DIAPH2: variants seen among roughly 807,000 people sequenced by gnomAD.
DIAPH2 encodes the protein protein diaphanous homolog 2.
Under a neutral mutation model 92.7 loss-of-function variants are expected in DIAPH2, and 35 were observed. That is an observed-to-expected ratio of 0.38 (90% CI 0.29 to 0.50). The LOEUF is 0.50. DIAPH2 is among the 20% of genes least tolerant of loss of function. The pLI is 0.94. For synonymous variants in DIAPH2, 301 were observed against 280.4 expected, an observed-to-expected ratio of 1.07 and a Z score of -0.73; for missense variants, 701 against 819.5, an observed-to-expected ratio of 0.86 and a Z score of 1.77.
In DIAPH2 at chrX:97,137,300, T is replaced by TA. The variant is rs1292345714; in HGVS notation, c.2590-4364dup. On this transcript the variant is annotated intron_variant, in intron 21 of 26. Coordinates refer to ENST00000324765, the MANE Select transcript of DIAPH2 (RefSeq NM_006729.5). ...ATATATATATATATATATATATATA[T>TA]ATGTATAGAATTAAATTTAGGAGTA... 4.1e-5 allele frequency among the ~76,000 whole-genome samples: 4 copies of TA among 96,878 alleles called. No homozygotes were observed. In the East Asian group the frequency reaches 1.3e-3, roughly 31 times the overall value. 84.1% of individuals were successfully genotyped at this position (96,878 alleles called of 115,157 possible). A position where few individuals can be genotyped will look rare whatever the true frequency, so the allele number is the denominator to read the frequency against.
intron 26 of DIAPH2, among the ~76,000 whole-genome samples, chrX:97,476,988 C>T (rs59684833): frequency 0.044 from 1,824 of 41,396 alleles, 53 homozygotes; most frequent in African/African-American, 0.089. Flanking sequence ...TATATATACA[C>T]ACACACACAC....
intron 25 of DIAPH2, among the ~76,000 whole-genome samples, chrX:97,391,507 T>TA (rs2069659045): frequency 8.9e-6 from 1 of 111,793 alleles, no homozygotes; most frequent in Admixed American, 9.5e-5. Context: ...GGACCAAAGA[T>TA]ACATACCATT....
At chrX:96,809,502 TTTTC>T (rs1025235260) in intron 4 of DIAPH2, among the ~76,000 whole-genome samples, 11 of 108,557 alleles carry the variant, frequency 1.0e-4, no homozygotes, top group East Asian at 5.7e-4. Flanking sequence ...AACTCTTTTT[TTTTC>T]TTTCTTTCTT....
rs767580896 is a variant in DIAPH2, at chrX:97,370,782, G to C, written c.3010-13127G>C. On this transcript the variant is annotated intron_variant, in intron 24 of 26. Coordinates refer to ENST00000324765, the MANE Select transcript of DIAPH2 (RefSeq NM_006729.5). ...GATCAAACTGAGTAACAAAATATGT[G>C]GTCAAAAATATTGTGAATATAAAAT... Among the ~76,000 whole-genome samples the C allele has an allele frequency of 4.0e-3, 449 of 111,439 alleles. 1 individual carries two copies. Among genetic ancestry groups the C allele is most frequent in the Middle Eastern group, 0.014 (3 of 216 alleles).
intron 4 of DIAPH2, among the ~76,000 whole-genome samples, chrX:96,777,615 A>G (rs1230728831): frequency 9.0e-6 from 1 of 111,609 alleles, no homozygotes; most frequent in Non-Finnish European, 1.9e-5. Context: ...TGCTAAAACA[A>G]TTTCATGCTT....
intron 23 of DIAPH2, among the ~76,000 whole-genome samples, chrX:97,341,707 A>G (rs750199606): frequency 2.7e-5 from 3 of 111,099 alleles, no homozygotes; most frequent in East Asian, 5.7e-4. Context: ...AGGAATGTCA[A>G]TGTCCCAGGG....
chrX:96,771,794 T>C (rs1443746879), intron 4 of DIAPH2, among the ~76,000 whole-genome samples: 1 of 111,233 alleles, frequency 9.0e-6, no homozygotes, highest in Non-Finnish European at 1.9e-5. Flanking sequence ...CCCAGCACTT[T>C]AGGAGGGTGA....
At chrX:96,914,766 G>C (rs1359453608) in intron 7 of DIAPH2, among the ~76,000 whole-genome samples, 3 of 110,677 alleles carry the variant, frequency 2.7e-5, no homozygotes, top group African/African-American at 6.5e-5. Context: ...TAGATTATTC[G>C]AAATTGATGT....
At chrX:97,078,395 C>T (rs1320642656) in intron 19 of DIAPH2, among the ~76,000 whole-genome samples, 4 of 111,010 alleles carry the variant, frequency 3.6e-5, no homozygotes, top group African/African-American at 9.8e-5. Context: ...AACTTGTATG[C>T]GAAGAATATT....
At chrX:97,351,738 G>A (rs2069216415) in intron 24 of DIAPH2, among the ~76,000 whole-genome samples, 1 of 110,954 alleles carries the variant, frequency 9.0e-6, no homozygotes, top group Non-Finnish European at 1.9e-5. Context: ...GGGAGGCGGA[G>A]CTTGCAGTGA....
At chrX:96,708,920 G>A (rs915019445) in intron 1 of DIAPH2, among the ~76,000 whole-genome samples, 6 of 112,045 alleles carry the variant, frequency 5.4e-5, no homozygotes, top group Non-Finnish European at 3.8e-5. Flanking sequence ...GAGCAGCAGA[G>A]AGGCTTCCGG....
chrX:97,300,931 TAAAAAAA>T lies in DIAPH2; in HGVS notation c.2845-47157_2845-47151del, dbSNP rs774601881. On this transcript the variant is annotated intron_variant, in intron 23 of 26. Transcript: ENST00000324765. The stretch of plus-strand genomic sequence containing the variant: ...TGGGCCACAGAGCAAGACTCCGTCT[TAAAAAAA>T]AAAAAAAAAAAAAAAAAAAAAAAAA... Among the ~76,000 whole-genome samples the T allele has an allele frequency of 4.6e-3, 50 of 10,785 alleles. 1 individual carries two copies. The highest frequency in any genetic ancestry group is 0.015 in the African/African-American group (49 of 3,345). 9.4% of individuals were successfully genotyped at this position (10,785 alleles called of 115,157 possible).
At chrX:97,080,432 A>C (rs987189743) in intron 19 of DIAPH2, among the ~76,000 whole-genome samples, 1 of 110,101 alleles carries the variant, frequency 9.1e-6, no homozygotes, top group Non-Finnish European at 1.9e-5. Flanking sequence ...CGATGCATAC[A>C]TGGGACTATG....
At chrX:97,087,545 T>C (rs745898889) in intron 19 of DIAPH2, among the ~76,000 whole-genome samples, 35 of 111,822 alleles carry the variant, frequency 3.1e-4, no homozygotes, top group African/African-American at 1.1e-3. Flanking sequence ...CTGTATTCTG[T>C]ATATGACCTT....
intron 1 of DIAPH2, among the ~76,000 whole-genome samples, chrX:96,695,973 C>A (rs921176737): frequency 8.9e-6 from 1 of 112,477 alleles, no homozygotes; most frequent in Non-Finnish European, 1.9e-5. Flanking sequence ...TTTCAAGATG[C>A]CTACATTGTA....
chrX:96,956,187 A>C (rs1181313296), intron 15 of DIAPH2, among the ~76,000 whole-genome samples: 1 of 112,859 alleles, frequency 8.9e-6, no homozygotes, highest in Non-Finnish European at 1.9e-5. Flanking sequence ...CACCGCTTGG[A>C]AGTTGCCAAA....
At chrX:97,196,765 AG>A (rs2067707495) in intron 22 of DIAPH2, among the ~76,000 whole-genome samples, 1 of 110,050 alleles carries the variant, frequency 9.1e-6, no homozygotes, top group Non-Finnish European at 1.9e-5. Context: ...TAAATGAAAA[AG>A]GGTTTTTATT....
intron 22 of DIAPH2, among the ~76,000 whole-genome samples, chrX:97,150,846 AAC>A (rs2067280294): frequency 8.9e-6 from 1 of 111,874 alleles, no homozygotes; most frequent in Non-Finnish European, 1.9e-5. Flanking sequence ...CAAAATCTAT[AAC>A]ACAGTGTCGG....
intron 26 of DIAPH2, among the ~76,000 whole-genome samples, chrX:97,439,244 A>C (rs1285313355): frequency 9.0e-6 from 1 of 111,190 alleles, no homozygotes; most frequent in Non-Finnish European, 1.9e-5. Context: ...CCTAGGCAAC[A>C]CAGGGCGACC....
Sources: gnomAD v4.1 joint callset for allele counts (sites outside exome capture counted in the v4.1 genomes callset) on GRCh38, gnomAD v4.1.1 for gene constraint, MANE v1.5 for transcripts, NCBI Gene and HGNC (gene_info 2026-07-23, HGNC 2026-07-21) for gene names.